Variants in RFX6 observed in about 807,000 individuals in gnomAD.
RFX6 encodes the protein DNA-binding protein RFX6.
RFX6 carries 50 observed loss-of-function variants against 110.8 expected under a neutral mutation model. The observed-to-expected ratio is 0.45, with a 90% CI of 0.36 to 0.57. The LOEUF (loss-of-function observed/expected upper bound fraction) is 0.57. RFX6 is among the 20% of genes least tolerant of loss of function. RFX6 has a pLI of 0.00. For missense variants in RFX6, 990 were observed against 1,127.0 expected, an observed-to-expected ratio of 0.88 and a Z score of 1.74; for synonymous variants, 383 against 411.2, an observed-to-expected ratio of 0.93 and a Z score of 0.83.
In RFX6 at chr6:116,920,431, C is replaced by T. The variant is rs148423198; in HGVS notation, c.1304C>T (p.Thr435Ile). Residue 435 changes from threonine to isoleucine, a missense_variant, in exon 12 of 19, where the codon ACT becomes ATT. Physicochemically the swap from Thr to Ile is moderately conservative, Grantham distance 89. Around this residue, in one of 5 missense-constraint regions of RFX6, gnomAD observed 45 missense variants for 29.3 expected, o/e 1.53. Coordinates refer to ENST00000332958, the MANE Select transcript of RFX6 (RefSeq NM_173560.4). ...CTTACCATTTCAGGCAGCACAGACA[C>T]TGAATCTGGTATCTACACTGAACGT... ...ALLTISGSTD[T>I]ESGIYTEHDS... The T allele has an allele frequency of 3.7e-5, 60 of 1,613,458 alleles. No homozygotes were observed. The highest frequency in any genetic ancestry group is 3.3e-4 in the Middle Eastern group (2 of 6,080).
chr6:116,920,672 CA>C lies in RFX6; in HGVS notation c.1327+219del, dbSNP rs538990248. The stretch of plus-strand genomic sequence containing the variant: ...TCAAAGGTGTTCTGGGCTGAAAAAT[CA>C]CATCTGATTGAAAAAAAACCTGGTT... On this transcript the variant is annotated intron_variant, in intron 12 of 18. Transcript: ENST00000332958. Among the ~76,000 whole-genome samples the C allele has an allele frequency of 5.9e-5, 9 of 151,526 alleles. No individual in the cohort carries two copies. The South Asian group carries it at 1.7e-3, about 28-fold the overall frequency.
intron 12 of RFX6, among the ~76,000 whole-genome samples, chr6:116,921,546 A>G (rs899345714): frequency 2.0e-5 from 3 of 152,206 alleles, no homozygotes; most frequent in Non-Finnish European, 4.4e-5. Context: ...ACCAAGATAT[A>G]TACACTTATT....
intron 6 of RFX6, among the ~76,000 whole-genome samples, chr6:116,898,329 AT>A (rs1774993893): frequency 1.3e-5 from 2 of 151,882 alleles, no homozygotes; most frequent in South Asian, 2.1e-4. Flanking sequence ...GGGATTTGGG[AT>A]TTTTTGTTTT....
intron 9 of RFX6, among the ~76,000 whole-genome samples, chr6:116,917,465 G>A (rs887498309): frequency 3.3e-5 from 5 of 151,964 alleles, no homozygotes; most frequent in East Asian, 1.9e-4. Context: ...AGGCAGCTCC[G>A]TGAGTGAGTA....
chr6:116,887,360 C>A (rs145287507), intron 4 of RFX6, among the ~76,000 whole-genome samples: 4 of 152,152 alleles, frequency 2.6e-5, no homozygotes, highest in Non-Finnish European at 4.4e-5. Context: ...ATTAGCAGCT[C>A]AGCTCTCTAT....
At chr6:116,929,489 A>G (rs1775834435) in intron 18 of RFX6, among the ~76,000 whole-genome samples, 1 of 152,164 alleles carries the variant, frequency 6.6e-6, no homozygotes, top group Admixed American at 6.5e-5. Context: ...TCTGTAGAAA[A>G]TGTTGCCATT....
chr6:116,918,060 T>C lies in RFX6; in HGVS notation c.996T>C (p.Pro332=). The C allele has an allele frequency of 6.2e-7, 1 of 1,608,456 alleles. No individual in the cohort carries two copies. Among genetic ancestry groups the C allele is most frequent in the Non-Finnish European group, 8.5e-7 (1 of 1,175,890 alleles). Residue 332 remains proline (P), a synonymous_variant, in exon 10 of 19, where the codon CCT becomes CCC. Coordinates refer to ENST00000332958, the MANE Select transcript of RFX6 (RefSeq NM_173560.4). ...AGGTTCTTACAGATGTACTCATTCC[T>C]GCAACAATGCAAGAAATGCCTGAAA... The part of the protein sequence containing the change: ...LYKVLTDVLI[P]ATMQEMPESL...
chr6:116,884,266 T>A (rs1031183152), intron 4 of RFX6, among the ~76,000 whole-genome samples: 4 of 152,198 alleles, frequency 2.6e-5, no homozygotes, highest in African/African-American at 4.8e-5. Flanking sequence ...TGCTGGTACC[T>A]ATCTTAATGT....
intron 6 of RFX6, among the ~76,000 whole-genome samples, chr6:116,908,782 A>G (rs1775269767): frequency 6.6e-6 from 1 of 151,852 alleles, no homozygotes; most frequent in Non-Finnish European, 1.5e-5. Flanking sequence ...TTCCTGCATC[A>G]GTTGAGATGA....
intron 16 of RFX6, among the ~76,000 whole-genome samples, chr6:116,926,542 C>T (rs531361505): frequency 6.6e-6 from 1 of 152,188 alleles, no homozygotes; most frequent in African/African-American, 2.4e-5. Flanking sequence ...CCATTTCTAC[C>T]AATGGAACAC....
chr6:116,883,066 G>C (rs1774625418), intron 4 of RFX6, among the ~76,000 whole-genome samples: 1 of 151,934 alleles, frequency 6.6e-6, no homozygotes, highest in Non-Finnish European at 1.5e-5. Context: ...CTTTCCTTCT[G>C]CCTATGAGCA....
intron 6 of RFX6, among the ~76,000 whole-genome samples, chr6:116,901,674 G>A (rs1386738255): frequency 6.6e-6 from 1 of 152,132 alleles, no homozygotes; most frequent in Non-Finnish European, 1.5e-5. Context: ...TCAGGGAAAT[G>A]AAAATTAAAA....
chr6:116,890,210 T>G (rs1237458350), intron 4 of RFX6, among the ~76,000 whole-genome samples: 1 of 152,106 alleles, frequency 6.6e-6, no homozygotes, highest in African/African-American at 2.4e-5. Flanking sequence ...CCCATAACAT[T>G]TTTAAACAAA....
Position 116,911,617 on chromosome 6 carries a change from C to T in RFX6, c.780+575C>T, listed in dbSNP as rs561152928. On this transcript the variant is annotated intron_variant, in intron 7 of 18. Transcript: ENST00000332958. ...TGACTTTTCAATGTTTATGTAATAG[C>T]GTGTAAACTATATCTTCGATTTCTG... Among the ~76,000 whole-genome samples, 7 of 152,250 alleles carry T rather than the reference C, an allele frequency of 4.6e-5. No individual in the cohort carries two copies. The East Asian group carries it at 5.8e-4, about 13-fold the overall frequency.
At chr6:116,918,000 G>C in intron 9 of RFX6, 37 bp from the exon 10 acceptor site, 1 of 1,436,198 alleles carries the variant, frequency 7.0e-7, no homozygotes. Context: ...GAAATACTAA[G>C]TAAAGATTTG....
At chr6:116,900,341 G>A (rs114038757) in intron 6 of RFX6, among the ~76,000 whole-genome samples, 2,108 of 151,984 alleles carry the variant, frequency 0.014, 26 homozygotes, top group African/African-American at 0.037. Context: ...TGCAACCTGC[G>A]TCTCCAGTGT....
Position 116,931,498 on chromosome 6 carries a change from G to A in RFX6, c.2779G>A (p.Gly927Ser), listed in dbSNP as rs1445206206. The A allele has an allele frequency of 6.2e-7, 1 of 1,612,782 alleles. No individual in the cohort carries two copies. The highest frequency in any genetic ancestry group is 1.7e-5 in the Admixed American group (1 of 59,910). ...NTVFMGTAAG[G>S]T ...TGTGTTCATGGGAACAGCAGCTGGA[G>A]GCACTTAAACCACCAATGTGGGAGG... The change falls in exon 19 of 19, where the codon GGC (glycine) becomes AGC (serine). Residue 927 changes from glycine (G) to serine (S), a missense_variant. By Grantham distance (56) the Gly-to-Ser change is moderately conservative. Transcript: ENST00000332958.
chr6:116,929,458 T>G (rs758340392), intron 18 of RFX6, among the ~76,000 whole-genome samples: 1 of 152,126 alleles, frequency 6.6e-6, no homozygotes, highest in African/African-American at 2.4e-5. Context: ...CTCATTCTTA[T>G]GTAAAATGTG....
Position 116,877,399 on chromosome 6 carries a change from G to A in RFX6, c.124G>A (p.Glu42Lys). The stretch of plus-strand genomic sequence containing the variant: ...GGGCAAGGGCTTGCTAGTCTATCCG[G>A]AAGAAACAGTGTACCTGGCGGCCGA... Reference protein sequence around the residue: ...LLGKGLLVYPEETVYLAAEGQ... With the variant: ...LLGKGLLVYPKETVYLAAEGQ... Residue 42 changes from glutamate to lysine, a missense_variant, in exon 1 of 19, where the codon GAA becomes AAA. Physicochemically the swap from Glu to Lys is moderately conservative, Grantham distance 56 (BLOSUM62 1). This residue lies in a region of RFX6 where 175 missense variants were observed against 162.3 expected (regional missense o/e 1.08). Transcript: ENST00000332958. 1 of 1,607,732 alleles carries A rather than the reference G, an allele frequency of 6.2e-7. No homozygotes were observed. Among genetic ancestry groups the A allele is most frequent in the East Asian group, 2.2e-5 (1 of 44,584 alleles).
Sources: gnomAD v4.1 joint callset for allele counts (sites outside exome capture counted in the v4.1 genomes callset) on GRCh38, gnomAD v4.1.1 for gene constraint, gnomAD v4.1.1 regional missense constraint, MANE v1.5 for transcripts, NCBI Gene and HGNC (gene_info 2026-07-23, HGNC 2026-07-21) for gene names.